RICTOR: variants seen among roughly 807,000 people sequenced by gnomAD.
The protein encoded by RICTOR is rapamycin-insensitive companion of mTOR.
Under a neutral mutation model 214.9 loss-of-function variants are expected in RICTOR, and 49 were observed. That is an observed-to-expected ratio of 0.23 (90% CI 0.18 to 0.29). The LOEUF (loss-of-function observed/expected upper bound fraction) is 0.29. Among genes scored for constraint, RICTOR ranks in the 10% least tolerant of loss-of-function variants. The pLI is 1.00. For synonymous variants in RICTOR, 717 were observed against 711.3 expected (o/e 1.01, Z -0.13); for missense variants, 1,625 against 2,047.0 (o/e 0.79, Z 3.98).
At chr5:39,058,393 C>A (rs1317984601) in intron 2 of RICTOR, among the ~76,000 whole-genome samples, 21 of 151,868 alleles carry the variant, frequency 1.4e-4, no homozygotes, top group Admixed American at 1.4e-3. Context: ...AACAATCACA[C>A]AGAGATAGGT....
At chr5:38,958,877 T>A in intron 22 of RICTOR, 46 bp from the exon 23 acceptor site, 8 of 1,271,648 alleles carry the variant, frequency 6.3e-6, no homozygotes, top group Non-Finnish European at 7.4e-6. Flanking sequence ...AACTTCAGCA[T>A]AAATAGCCTA....
At chr5:39,035,436 C>T (rs1019860655) in intron 2 of RICTOR, among the ~76,000 whole-genome samples, 4 of 152,210 alleles carry the variant, frequency 2.6e-5, no homozygotes, top group Non-Finnish European at 4.4e-5. Flanking sequence ...CAAAGTAACA[C>T]AGCTCCTCAC....
In RICTOR at chr5:39,052,613, G is replaced by T. The variant is rs116057679; in HGVS notation, c.97+21498C>A. ...TCTAAAATAAGGTTTCCCATAATTT[G>T]CAGTTTATATTTTATGTATGTAAAC... is the stretch of plus-strand genomic sequence containing the variant. On this transcript the variant is annotated intron_variant, in intron 2 of 37. Transcript: ENST00000357387. 5.9e-3 allele frequency among the ~76,000 whole-genome samples: 904 copies of T among 152,190 alleles called. 12 individuals are homozygous for T. The highest frequency in any genetic ancestry group is 0.021 in the African/African-American group (866 of 41,486).
At chr5:39,069,171 A>G (rs748876489) in intron 2 of RICTOR, among the ~76,000 whole-genome samples, 4 of 152,202 alleles carry the variant, frequency 2.6e-5, no homozygotes, top group Non-Finnish European at 2.9e-5. Context: ...TTAAGAAATT[A>G]TTTTCAGTAC....
chr5:39,043,581 A>G (rs181146306), intron 2 of RICTOR, among the ~76,000 whole-genome samples: 65 of 152,310 alleles, frequency 4.3e-4, no homozygotes, highest in African/African-American at 9.9e-4. Context: ...ACTGTATTGT[A>G]TATTTCAAAA....
chr5:39,044,883 G>C (rs1320408932), intron 2 of RICTOR, among the ~76,000 whole-genome samples: 2 of 152,172 alleles, frequency 1.3e-5, no homozygotes, highest in African/African-American at 4.8e-5. Flanking sequence ...GGTTGCACTT[G>C]CTAGATAAAG....
At chr5:39,074,006 C>T (rs1759527406) in intron 2 of RICTOR, 105 bp downstream of exon 2, 4 of 752,150 alleles carry the variant, frequency 5.3e-6, no homozygotes, top group Non-Finnish European at 7.1e-6. Flanking sequence ...GCCCCCGCAC[C>T]CCGCCGGTCC....
At chr5:39,040,805 ATT>A (rs1166821272) in intron 2 of RICTOR, among the ~76,000 whole-genome samples, 1 of 152,220 alleles carries the variant, frequency 6.6e-6, no homozygotes, top group African/African-American at 2.4e-5. Context: ...TCAGTTATAA[ATT>A]TCAATGCTCC....
Position 38,957,272 on chromosome 5 carries a change from T to C in RICTOR, c.2499+380A>G, listed in dbSNP as rs367567993. On this transcript the variant is annotated intron_variant, in intron 25 of 37. Transcript: ENST00000357387. ...TATCTCCTTGGGATTTCAATCTCCC[T>C]TCATTTAAAAAAATTATTTTGGTTT... Among the ~76,000 whole-genome samples, 15 of 152,138 alleles carry C rather than the reference T, an allele frequency of 9.9e-5. No homozygotes were observed. The East Asian group carries it at 2.9e-3, about 29-fold the overall frequency.
chr5:38,969,323 A>C (rs1750532482), intron 11 of RICTOR, among the ~76,000 whole-genome samples: 1 of 152,144 alleles, frequency 6.6e-6, no homozygotes, highest in African/African-American at 2.4e-5. Context: ...ATTTAAAAAC[A>C]GAAAAATCTT....
intron 2 of RICTOR, among the ~76,000 whole-genome samples, chr5:39,040,858 T>A (rs926151980): frequency 6.6e-6 from 1 of 152,176 alleles, no homozygotes; most frequent in African/African-American, 2.4e-5. Flanking sequence ...GAGAGGAACA[T>A]TAATAAATAT....
intron 2 of RICTOR, among the ~76,000 whole-genome samples, chr5:39,043,293 T>C (rs1166166099): frequency 1.3e-5 from 2 of 152,080 alleles, no homozygotes; most frequent in Non-Finnish European, 2.9e-5. Flanking sequence ...CACAATGGAA[T>C]ATTACTCAGC....
intron 37 of RICTOR, 48 bp downstream of exon 37, chr5:38,942,785 C>G: frequency 7.0e-7 from 1 of 1,435,120 alleles, no homozygotes; most frequent in Non-Finnish European, 9.8e-7. Flanking sequence ...AATTCAAACA[C>G]AGAATTATTC....
chr5:38,950,795 T>A, intron 30 of RICTOR, 75 bp from the exon 31 acceptor site: 2 of 1,320,404 alleles, frequency 1.5e-6, no homozygotes, highest in Non-Finnish European at 2.0e-6. Flanking sequence ...GACATCACAT[T>A]TCAGGAAATT....
intron 2 of RICTOR, among the ~76,000 whole-genome samples, chr5:39,031,818 T>C (rs532151313): frequency 6.6e-6 from 1 of 152,330 alleles, no homozygotes; most frequent in South Asian, 2.1e-4. Flanking sequence ...TAATATCATC[T>C]ATGATTATTG....
chr5:38,954,783 C>T lies in RICTOR; in HGVS notation c.2688G>A (p.Leu896=), dbSNP rs140510844. 3.8e-6 allele frequency: 6 copies of T among 1,587,046 alleles called. No homozygotes were observed. In the African/African-American group the frequency reaches 6.8e-5, roughly 18 times the overall value. The change falls in exon 27 of 38, where the codon TTG becomes TTA. Residue 896 remains leucine, a synonymous_variant. Coordinates refer to ENST00000357387, the MANE Select transcript of RICTOR (RefSeq NM_152756.5). Reference sequence around the variant, plus strand: ...TGAATTATGTTTTTACCTGTACTTCCAACAAATGGCAGCCTGTTTTATGGT... The same window carrying T: ...TGAATTATGTTTTTACCTGTACTTCTAACAAATGGCAGCCTGTTTTATGGT... ...LVHHKTGCHL[L]EVQNIITELC...
In RICTOR at chr5:38,975,675, T is replaced by G; in HGVS notation, c.822-71A>C. On this transcript the variant is annotated intron_variant, in intron 9 of 37. Coordinates refer to ENST00000357387, the MANE Select transcript of RICTOR (RefSeq NM_152756.5). Reference sequence around the variant, plus strand: ...GTTAAAATGAGTTTTTTCCTGCTACTAAATCACAATAAGAGCTATCACTAA... The same window carrying G: ...GTTAAAATGAGTTTTTTCCTGCTACGAAATCACAATAAGAGCTATCACTAA... 2.8e-6 allele frequency: 3 copies of G among 1,054,368 alleles called. No individual in the cohort carries two copies. The South Asian group carries it at 3.9e-5, about 14-fold the overall frequency. 65.3% of individuals were successfully genotyped at this position (1,054,368 alleles called of 1,614,324 possible).
intron 37 of RICTOR, 109 bp from the exon 38 acceptor site, chr5:38,942,487 T>G: frequency 1.9e-6 from 1 of 523,266 alleles, no homozygotes; most frequent in Non-Finnish European, 3.2e-6. Flanking sequence ...TCTTGCTCAG[T>G]CTTCCCAGGA....
chr5:38,951,837 A>G (rs1323355149), intron 30 of RICTOR, among the ~76,000 whole-genome samples: 6 of 152,014 alleles, frequency 3.9e-5, no homozygotes, highest in Non-Finnish European at 5.9e-5. Flanking sequence ...TGGCTCAACA[A>G]TCTCAGTATC....
Sources: gnomAD v4.1 joint callset for allele counts (sites outside exome capture counted in the v4.1 genomes callset) on GRCh38, gnomAD v4.1.1 for gene constraint, MANE v1.5 for transcripts, NCBI Gene and HGNC (gene_info 2026-07-23, HGNC 2026-07-21) for gene names.